The following AGAP9 variants were observed in gnomAD, a reference collection of about 807,000 sequenced individuals.
AGAP9 encodes ArfGAP with GTPase domain, ankyrin repeat and PH domain 9, also known as arf-GAP with GTPase, ANK repeat and PH domain-containing protein 9.
In AGAP9, 23 loss-of-function variants were observed where a neutral mutation model predicts 55.6. The ratio of observed to expected loss-of-function variants is 0.41; its 90% CI spans 0.30 to 0.59. The LOEUF (loss-of-function observed/expected upper bound fraction) is 0.59, where lower values mean the gene tolerates loss of function less well. AGAP9 is among the 20% of genes least tolerant of loss of function. The probability of loss-of-function intolerance (pLI) is 0.25; values close to 1 mark genes in which losing one functional copy is unlikely to be tolerated. For missense variants in AGAP9, 309 were observed against 808.1 expected (o/e 0.38, Z 7.49); for synonymous variants, 120 against 305.0 (o/e 0.39, Z 6.32).
chr10:47,502,441 T>A lies in AGAP9; in HGVS notation c.1688A>T (p.Lys563Met). ...ATATTTGGAACGGATCCACCATTCC[T>A]TCTCTTCCCTCGTGGACTTTATTGA... is the stretch of plus-strand genomic sequence containing the variant. The part of the protein sequence containing the change: ...KPSIKSTREE[K>M]EWWIRSKYEE... Residue 563 changes from lysine (K) to methionine (M), a missense_variant, in exon 8 of 8, where the codon AAG (lysine) becomes ATG (methionine). Coordinates refer to ENST00000452145, the MANE Select transcript of AGAP9 (RefSeq NM_001190810.1). The A allele has an allele frequency of 6.2e-7, 1 of 1,612,134 alleles. No individual in the cohort carries two copies. The highest frequency in any genetic ancestry group is 1.7e-5 in the Admixed American group (1 of 59,932).
intron 7 of AGAP9, among the ~76,000 whole-genome samples, 164 bp from the exon 8 acceptor site, chr10:47,503,707 C>T (rs1203676385): frequency 8.2e-6 from 1 of 121,416 alleles, no homozygotes; most frequent in Non-Finnish European, 1.6e-5. Context: ...GGGTGGATCA[C>T]GAGGTCAGGA....
intron 5 of AGAP9, among the ~76,000 whole-genome samples, chr10:47,509,909 TCTCA>T (rs1254257630): frequency 1.4e-5 from 2 of 140,046 alleles, no homozygotes; most frequent in Non-Finnish European, 3.1e-5. Context: ...AACCTATCCT[TCTCA>T]CTGTGTTCAA....
At chr10:47,506,012 TGTTAAA>T (rs1840469740) in intron 6 of AGAP9, among the ~76,000 whole-genome samples, 1 of 142,462 alleles carries the variant, frequency 7.0e-6, no homozygotes. Flanking sequence ...CTTAAAGGCC[TGTTAAA>T]GTAAGATTGG....
chr10:47,502,951 G>T lies in AGAP9; in HGVS notation c.1178C>A (p.Pro393His), dbSNP rs1840385758. The part of the protein sequence containing the change: ...STTSPKLNPP[P>H]SPHANKKKHL... ...TTTCTTTTTATTGGCATGAGGAGAG[G>T]GGGGCGGGTTGAGCTTGGGGCTGGT... is the stretch of plus-strand genomic sequence containing the variant. The change falls in exon 8 of 8, where the codon CCC becomes CAC. Residue 393 changes from proline (P) to histidine (H), a missense_variant. Coordinates refer to ENST00000452145, the MANE Select transcript of AGAP9 (RefSeq NM_001190810.1). The T allele has an allele frequency of 1.3e-6, 2 of 1,594,614 alleles. No homozygotes were observed. The highest frequency in any genetic ancestry group is 1.7e-6 in the Non-Finnish European group (2 of 1,173,342).
chr10:47,522,146 G>C (rs1278729281), intron 2 of AGAP9, among the ~76,000 whole-genome samples: 1 of 142,798 alleles, frequency 7.0e-6, no homozygotes, highest in African/African-American at 2.6e-5. Flanking sequence ...AAGGGACAAA[G>C]GGGGAGCCAC....
Position 47,502,227 on chromosome 10 carries a change from C to G in AGAP9, c.1902G>C (p.Lys634Asn), listed in dbSNP as rs1840364988. Residue 634 changes from lysine (K) to asparagine (N), a missense_variant, in exon 8 of 8, where the codon AAG becomes AAC. Physicochemically the swap from Lys to Asn is moderately conservative, Grantham distance 94 (BLOSUM62 0). Coordinates refer to ENST00000452145, the MANE Select transcript of AGAP9 (RefSeq NM_001190810.1). Reference protein sequence around the residue: ...GCTALHLACRKGNVVLEQLLT... With the variant: ...GCTALHLACRNGNVVLEQLLT... ...GGAGCTGCTCCAGGACCACATTCCCCTTGCGGCAGGCCAGATGGAGTGCCG... is the reference window on the plus strand; with the variant it reads ...GGAGCTGCTCCAGGACCACATTCCCGTTGCGGCAGGCCAGATGGAGTGCCG... The G allele has an allele frequency of 9.5e-6, 15 of 1,577,376 alleles. No homozygotes were observed. Among genetic ancestry groups the G allele is most frequent in the Non-Finnish European group, 1.3e-5 (15 of 1,166,810 alleles).
intron 3 of AGAP9, among the ~76,000 whole-genome samples, chr10:47,519,382 T>C (rs1840777043): frequency 8.5e-6 from 1 of 117,636 alleles, no homozygotes; most frequent in African/African-American, 3.4e-5. Flanking sequence ...GCAGGAGAAT[T>C]GCTTGAACCT....
chr10:47,522,215 C>T (rs1446307290), intron 2 of AGAP9, among the ~76,000 whole-genome samples: 1 of 141,750 alleles, frequency 7.1e-6, no homozygotes, highest in Non-Finnish European at 1.5e-5. Flanking sequence ...TTATATTACA[C>T]ATTAAAAGTC....
chr10:47,510,007 G>T (rs1840570627), intron 5 of AGAP9, among the ~76,000 whole-genome samples, 164 bp downstream of exon 5: 2 of 141,870 alleles, frequency 1.4e-5, no homozygotes, highest in Non-Finnish European at 3.1e-5. Flanking sequence ...CTTCCACCAC[G>T]ACGTCTAAGA....
intron 4 of AGAP9, among the ~76,000 whole-genome samples, chr10:47,513,607 G>T (rs1840674121): frequency 7.1e-6 from 1 of 140,060 alleles, no homozygotes; most frequent in Non-Finnish European, 1.5e-5. Context: ...CAACAAATCT[G>T]GAGGCATGAC....
At position 47,502,142 on chromosome 10, in the gene AGAP9, C is replaced by A; in HGVS notation, c.*10G>T. On this transcript the variant is annotated 3_prime_UTR_variant, in exon 8 of 8. Coordinates refer to ENST00000452145, the MANE Select transcript of AGAP9 (RefSeq NM_001190810.1). Reference sequence around the variant, plus strand: ...GATGCACTCCTGGCTGGAGGCCTGCCGGGCGTAGGTCAGCGCTGTGTTCCC... The same window carrying A: ...GATGCACTCCTGGCTGGAGGCCTGCAGGGCGTAGGTCAGCGCTGTGTTCCC... 1 of 1,570,404 alleles carries A rather than the reference C, an allele frequency of 6.4e-7. No individual in the cohort carries two copies. Among genetic ancestry groups the A allele is most frequent in the Non-Finnish European group, 8.7e-7 (1 of 1,155,864 alleles).
intron 4 of AGAP9, among the ~76,000 whole-genome samples, chr10:47,511,264 G>A (rs1172127860): frequency 2.1e-5 from 3 of 142,282 alleles, no homozygotes; most frequent in East Asian, 2.8e-4. Context: ...TATTTACTAC[G>A]ATAAAATGTA....
chr10:47,517,355 C>T (rs1277610351), intron 4 of AGAP9, among the ~76,000 whole-genome samples: 1 of 97,018 alleles, frequency 1.0e-5, no homozygotes, highest in Non-Finnish European at 2.0e-5. Context: ...TCACTGCAAC[C>T]TCCGCCTCCT....
rs1840722571 is a variant in AGAP9 at position 47,516,714 on chromosome 10, C to A, written c.396+1109G>T. 1.5e-5 allele frequency among the ~76,000 whole-genome samples: 2 copies of A among 133,332 alleles called. 1 individual carries two copies. The highest frequency in any genetic ancestry group is 3.1e-5 in the Non-Finnish European group (2 of 64,426). The allele number at this position is 133,332 out of a possible 152,430, so 87.5% of individuals were successfully genotyped here. On this transcript the variant is annotated intron_variant, in intron 4 of 7. Coordinates refer to ENST00000452145, the MANE Select transcript of AGAP9 (RefSeq NM_001190810.1). ...GCCAAAGAAAGTTGCCCCCCACACA[C>A]ACATAAAAAGGAACAGATGTGTTTT...
rs1247644309 is a variant in AGAP9 at position 47,506,422 on chromosome 10, C to T, written c.533+1126G>A. Among the ~76,000 whole-genome samples the T allele has an allele frequency of 5.1e-5, 7 of 138,564 alleles. 3 individuals carry two copies. The highest frequency in any genetic ancestry group is 1.1e-4 in the Non-Finnish European group (7 of 64,972). 90.9% of individuals were successfully genotyped at this position (138,564 alleles called of 152,430 possible). A position where few individuals can be genotyped will look rare whatever the true frequency, so the allele number is the denominator to read the frequency against. On this transcript the variant is annotated intron_variant, in intron 6 of 7. Coordinates refer to ENST00000452145, the MANE Select transcript of AGAP9 (RefSeq NM_001190810.1). The stretch of plus-strand genomic sequence containing the variant: ...CTCGGCTCACTGCAACCTCCACCTC[C>T]CAGGCTCAAGTGATTCTCCTGCCTC...
chr10:47,521,877 T>G (rs1840850278), intron 2 of AGAP9, among the ~76,000 whole-genome samples: 1 of 149,596 alleles, frequency 6.7e-6, no homozygotes, highest in Non-Finnish European at 1.5e-5. Flanking sequence ...ACCTCCCAGG[T>G]CCAAGCAATT....
chr10:47,504,834 G>C (rs60259401), intron 6 of AGAP9, among the ~76,000 whole-genome samples: 8 of 130,708 alleles, frequency 6.1e-5, no homozygotes, highest in East Asian at 2.5e-4. Context: ...GGCCTAAGAG[G>C]TCATAACTGT....
chr10:47,522,038 C>T (rs1840857545), intron 2 of AGAP9, among the ~76,000 whole-genome samples: 1 of 150,850 alleles, frequency 6.6e-6, no homozygotes, highest in Non-Finnish European at 1.5e-5. Context: ...CCGCCTGCCA[C>T]AGCCTCCCAA....
intron 2 of AGAP9, among the ~76,000 whole-genome samples, chr10:47,522,175 A>G (rs1483734422): frequency 7.1e-6 from 1 of 141,620 alleles, no homozygotes; most frequent in Non-Finnish European, 1.5e-5. Flanking sequence ...ACACTCTTAC[A>G]GGGAAGTCTG....
Sources: allele counts gnomAD v4.1 joint callset (sites outside exome capture counted in the v4.1 genomes callset), GRCh38; gene constraint gnomAD v4.1.1; transcripts MANE v1.5; gene names NCBI Gene and HGNC (gene_info 2026-07-23, HGNC 2026-07-21).